The following GNAO1 variants were observed in gnomAD, a reference collection of about 807,000 sequenced individuals.
GNAO1 encodes the protein guanine nucleotide-binding protein G(o) subunit alpha.
For synonymous variants in GNAO1, 164 were observed against 180.7 expected (o/e 0.91, Z 0.74); for missense variants, 166 against 478.7 (o/e 0.35, Z 6.10).
intron 6 of GNAO1, chr16:56,347,911 TC>T: frequency 2.3e-6 from 2 of 852,380 alleles, no homozygotes; most frequent in Non-Finnish European, 1.4e-6. Flanking sequence ...CTGCCCGCCG[TC>T]CCCCACCCTG....
chr16:56,254,801 A>G (rs2036831365), intron 2 of GNAO1, among the ~76,000 whole-genome samples: 1 of 151,928 alleles, frequency 6.6e-6, no homozygotes, highest in African/African-American at 2.4e-5. Context: ...CATATTCTCT[A>G]TGTTCCCATA....
chr16:56,319,246 G>A (rs79673445), intron 3 of GNAO1, among the ~76,000 whole-genome samples: 1 of 152,166 alleles, frequency 6.6e-6, no homozygotes, highest in African/African-American at 2.4e-5. Context: ...GCAGTACCTG[G>A]GGTGTGAGTG....
chr16:56,306,393 G>A, intron 3 of GNAO1, among the ~76,000 whole-genome samples: 1 of 152,204 alleles, frequency 6.6e-6, no homozygotes, highest in Non-Finnish European at 1.5e-5. Flanking sequence ...TGGCCAAGCT[G>A]CCCCCGCTCC....
Position 56,308,753 on chromosome 16 carries a change from C to T in GNAO1, c.304-19878C>T, listed in dbSNP as rs138009378. Among the ~76,000 whole-genome samples, 235 of 152,112 alleles carry T rather than the reference C, an allele frequency of 1.5e-3. 1 individual carries two copies. Among genetic ancestry groups the T allele is most frequent in the South Asian group, 5.4e-3 (26 of 4,800 alleles). On this transcript the variant is annotated intron_variant, in intron 3 of 8. Transcript: ENST00000262493. ...GTGAACCGGCACCCACGGGGCTGGG[C>T]GCCCAGAGAAGAGGAGAAGTGGGCG...
intron 6 of GNAO1, among the ~76,000 whole-genome samples, chr16:56,337,699 C>T (rs2037756477): frequency 6.6e-6 from 1 of 152,214 alleles, no homozygotes; most frequent in African/African-American, 2.4e-5. Flanking sequence ...GATGCGTGTG[C>T]AGCGCTCTGG....
At chr16:56,277,878 C>T (rs1409838251) in intron 3 of GNAO1, among the ~76,000 whole-genome samples, 1 of 151,598 alleles carries the variant, frequency 6.6e-6, no homozygotes, top group South Asian at 2.1e-4. Context: ...ATGTATTCAT[C>T]TCCCAGCCAG....
intron 6 of GNAO1, chr16:56,340,691 T>C: frequency 1.4e-6 from 1 of 722,754 alleles, no homozygotes; most frequent in Non-Finnish European, 2.4e-6. Context: ...TCCTCCCGTC[T>C]CCGTCCTGGT....
intron 2 of GNAO1, among the ~76,000 whole-genome samples, chr16:56,237,068 A>C (rs532601210): frequency 1.3e-5 from 2 of 152,256 alleles, no homozygotes; most frequent in Non-Finnish European, 2.9e-5. Flanking sequence ...AATGCTGTAC[A>C]TGAAGTACTT....
chr16:56,229,916 G>A (rs2143394342), intron 2 of GNAO1, among the ~76,000 whole-genome samples: 1 of 152,268 alleles, frequency 6.6e-6, no homozygotes, highest in African/African-American at 2.4e-5. Flanking sequence ...GAAGAAGATG[G>A]TGAGTGTGTG....
chr16:56,316,673 C>T (rs557433385), intron 3 of GNAO1, among the ~76,000 whole-genome samples: 6 of 152,310 alleles, frequency 3.9e-5, no homozygotes, highest in Non-Finnish European at 7.4e-5. Context: ...GACCCTGCCT[C>T]CCTGGGGTGG....
intron 2 of GNAO1, among the ~76,000 whole-genome samples, chr16:56,265,612 T>C (rs1425598519): frequency 6.6e-6 from 1 of 152,204 alleles, no homozygotes. Context: ...GAAATTTTTT[T>C]CTTCTTTTTT....
Position 56,322,758 on chromosome 16 carries a change from G to A in GNAO1, c.304-5873G>A, listed in dbSNP as rs111361571. 2.5e-3 allele frequency among the ~76,000 whole-genome samples: 376 copies of A among 152,164 alleles called. 2 individuals are homozygous for A. Among genetic ancestry groups the A allele is most frequent in the African/African-American group, 7.6e-3 (314 of 41,506 alleles). On this transcript the variant is annotated intron_variant, in intron 3 of 8. Coordinates refer to ENST00000262493, the MANE Select transcript of GNAO1 (RefSeq NM_020988.3). ...TTACTGGCGATGTGATCTTTAGCAA[G>A]CTCCCTCGCCTAAGCAGGATACCCA...
chr16:56,339,060 C>G (rs2037771817), intron 6 of GNAO1, among the ~76,000 whole-genome samples: 1 of 152,278 alleles, frequency 6.6e-6, no homozygotes. Flanking sequence ...AGAGTAGCAG[C>G]TCGTGCAGGG....
At chr16:56,203,732 C>CG (rs1365088427) in intron 2 of GNAO1, among the ~76,000 whole-genome samples, 1 of 152,178 alleles carries the variant, frequency 6.6e-6, no homozygotes, top group Non-Finnish European at 1.5e-5. Context: ...TGACCAAGAT[C>CG]ACGCTGACGA....
chr16:56,328,787 A>C lies in GNAO1; in HGVS notation c.460A>C (p.Lys154Gln), dbSNP rs1056430816. ...SREYQLNDSA[K>Q]YYLDSLDRIG... ...GGAGTATCAGCTCAACGACTCTGCC[A>C]AATAGTGAGTGTCCCAGCGGGCGCA... Residue 154 changes from lysine to glutamine, a missense_variant, in exon 4 of 9, where the codon AAA becomes CAA. Lys to Gln is a moderately conservative substitution (Grantham distance 53). Transcript: ENST00000262493. 1.2e-6 allele frequency: 2 copies of C among 1,614,052 alleles called. No homozygotes were observed. Among genetic ancestry groups the C allele is most frequent in the Non-Finnish European group, 1.7e-6 (2 of 1,179,876 alleles).
At chr16:56,220,947 CA>C (rs1416396185) in intron 2 of GNAO1, among the ~76,000 whole-genome samples, 63 of 152,196 alleles carry the variant, frequency 4.1e-4, no homozygotes, top group African/African-American at 1.5e-3. Flanking sequence ...AGGGTTTCAC[CA>C]TCTTGGCCAG....
rs140798850 is a variant in GNAO1, at chr16:56,338,927, C to T, written c.723+2067C>T. ...CTCCCTTTTTCCCCATTTCCCCCAC[C>T]CTTCCACACAAGGGCTGGAGCAGAG... On this transcript the variant is annotated intron_variant, in intron 6 of 8. Coordinates refer to ENST00000262493, the MANE Select transcript of GNAO1 (RefSeq NM_020988.3). Among the ~76,000 whole-genome samples, 1,313 of 152,362 alleles carry T rather than the reference C, an allele frequency of 8.6e-3. 10 individuals are homozygous for T. Among genetic ancestry groups the T allele is most frequent in the Non-Finnish European group, 0.014 (962 of 68,030 alleles).
intron 3 of GNAO1, among the ~76,000 whole-genome samples, chr16:56,292,320 C>G (rs1489309599): frequency 6.6e-6 from 1 of 152,168 alleles, no homozygotes; most frequent in Non-Finnish European, 1.5e-5. Flanking sequence ...TCAAAAGATA[C>G]TGGTATTTTT....
At chr16:56,232,116 TA>T (rs530595416) in intron 2 of GNAO1, among the ~76,000 whole-genome samples, 46 of 148,270 alleles carry the variant, frequency 3.1e-4, no homozygotes, top group East Asian at 1.2e-3. Context: ...ATGTCTGCTT[TA>T]AAAAAAAAAA....
Sources: allele counts gnomAD v4.1 joint callset (sites outside exome capture counted in the v4.1 genomes callset), GRCh38; gene constraint gnomAD v4.1.1; transcripts MANE v1.5; gene names NCBI Gene and HGNC (gene_info 2026-07-23, HGNC 2026-07-21).